Variants in KALRN observed in about 807,000 individuals in gnomAD.
KALRN encodes kalirin.
In KALRN, 70 loss-of-function variants were observed where a neutral mutation model predicts 353.7. The ratio of observed to expected loss-of-function variants is 0.20; its 90% CI spans 0.16 to 0.24. KALRN has a LOEUF of 0.24. Ranked by LOEUF, KALRN falls within the 10% of genes least tolerant of loss-of-function variation. The probability of loss-of-function intolerance (pLI) is 1.00; values close to 1 mark genes in which losing one functional copy is unlikely to be tolerated. For synonymous variants in KALRN, 1,391 were observed against 1,434.8 expected (o/e 0.97, Z 0.69); for missense variants, 2,791 against 3,756.7 (o/e 0.74, Z 6.72).
intron 10 of KALRN, among the ~76,000 whole-genome samples, chr3:124,370,847 G>C (rs1175793232): frequency 6.6e-6 from 1 of 152,146 alleles, no homozygotes; most frequent in Non-Finnish European, 1.5e-5. Flanking sequence ...TATGGTGTTG[G>C]CTATTATTTC....
chr3:124,368,932 C>T (rs12374119), intron 10 of KALRN, among the ~76,000 whole-genome samples: 3 of 151,616 alleles, frequency 2.0e-5, no homozygotes, highest in Non-Finnish European at 2.9e-5. Flanking sequence ...TGCCTGCAAT[C>T]GCAGGCACTC....
At chr3:124,124,887 A>G (rs765144418) in intron 1 of KALRN, among the ~76,000 whole-genome samples, 2 of 152,240 alleles carry the variant, frequency 1.3e-5, no homozygotes, top group African/African-American at 2.4e-5. Context: ...CTTTATATGT[A>G]CTCGGAAAAC....
chr3:124,656,363 C>T (rs1168851806), intron 39 of KALRN, among the ~76,000 whole-genome samples: 1 of 152,152 alleles, frequency 6.6e-6, no homozygotes, highest in Non-Finnish European at 1.5e-5. Flanking sequence ...GTAATCCCAG[C>T]ACTTTGGGAG....
intron 7 of KALRN, among the ~76,000 whole-genome samples, chr3:124,328,698 A>G (rs1238777734): frequency 2.6e-5 from 4 of 152,384 alleles, no homozygotes; most frequent in Admixed American, 2.0e-4. Context: ...AGGGACTGAA[A>G]GCTGACAGTG....
At chr3:124,216,328 T>G (rs552852318) in intron 1 of KALRN, among the ~76,000 whole-genome samples, 5 of 152,312 alleles carry the variant, frequency 3.3e-5, no homozygotes, top group African/African-American at 1.2e-4. Flanking sequence ...TAGGATCTAG[T>G]GGTTTGAACC....
chr3:124,583,018 G>C (rs2074782000), intron 34 of KALRN, among the ~76,000 whole-genome samples: 1 of 152,120 alleles, frequency 6.6e-6, no homozygotes, highest in South Asian at 2.1e-4. Context: ...GAACTCCTGG[G>C]CTCAAGTGAT....
intron 6 of KALRN, among the ~76,000 whole-genome samples, chr3:124,323,177 G>T (rs1289805330): frequency 6.6e-6 from 1 of 152,150 alleles, no homozygotes; most frequent in Non-Finnish European, 1.5e-5. Flanking sequence ...TTTAATCTAT[G>T]ATCACAGGCT....
intron 50 of KALRN, among the ~76,000 whole-genome samples, chr3:124,678,944 T>C (rs1187992957): frequency 6.6e-6 from 1 of 151,136 alleles, no homozygotes; most frequent in African/African-American, 2.4e-5. Context: ...CAATGTCATC[T>C]GCTTTCTTTA....
At chr3:124,562,141 T>C (rs1194547573) in intron 33 of KALRN, among the ~76,000 whole-genome samples, 1 of 152,244 alleles carries the variant, frequency 6.6e-6, no homozygotes, top group East Asian at 1.9e-4. Context: ...TTCTTCCTCC[T>C]GGTCCCCAGT....
intron 34 of KALRN, among the ~76,000 whole-genome samples, chr3:124,622,873 T>G (rs2079435225): frequency 4.6e-5 from 7 of 152,196 alleles, no homozygotes; most frequent in Admixed American, 4.6e-4. Context: ...GTGTACAGTG[T>G]GTTCTGATTT....
chr3:124,425,287 C>T (rs1298135800), intron 15 of KALRN, among the ~76,000 whole-genome samples: 1 of 152,126 alleles, frequency 6.6e-6, no homozygotes, highest in African/African-American at 2.4e-5. Flanking sequence ...ATGTTTCCAA[C>T]ACAAATAAAT....
intron 1 of KALRN, among the ~76,000 whole-genome samples, chr3:124,201,214 A>T (rs988562303): frequency 1.3e-5 from 2 of 152,248 alleles, no homozygotes; most frequent in African/African-American, 4.8e-5. Context: ...CCAACCTCTT[A>T]CTTAAGACAA....
At chr3:124,536,711 CCTT>C (rs1257908992) in intron 33 of KALRN, among the ~76,000 whole-genome samples, 3 of 152,136 alleles carry the variant, frequency 2.0e-5, no homozygotes, top group Non-Finnish European at 4.4e-5. Context: ...TTGTATTTTT[CCTT>C]CTTAACATTT....
chr3:124,363,609 C>A (rs1285137040), intron 10 of KALRN, among the ~76,000 whole-genome samples: 2 of 152,046 alleles, frequency 1.3e-5, no homozygotes, highest in South Asian at 2.1e-4. Flanking sequence ...TGGAACACAC[C>A]CAGAAAAGAA....
intron 1 of KALRN, among the ~76,000 whole-genome samples, chr3:124,137,008 G>A (rs867796200): frequency 6.6e-6 from 1 of 151,984 alleles, no homozygotes; most frequent in Non-Finnish European, 1.5e-5. Context: ...GTGAGAGTTT[G>A]GGCACCTGGA....
chr3:124,051,086 T>G (rs1217169114), intron 1 of KALRN, among the ~76,000 whole-genome samples: 1 of 152,230 alleles, frequency 6.6e-6, no homozygotes, highest in Admixed American at 6.5e-5. Context: ...CGGGATTCCA[T>G]GTATATACAT....
intron 51 of KALRN, among the ~76,000 whole-genome samples, chr3:124,680,986 C>G (rs971036369): frequency 3.3e-5 from 5 of 152,188 alleles, no homozygotes; most frequent in African/African-American, 1.2e-4. Context: ...TACTGGGTGG[C>G]ACCTGTATCC....
At chr3:124,261,046 C>CTTTTTTT (rs11385774) in intron 3 of KALRN, among the ~76,000 whole-genome samples, 1 of 142,756 alleles carries the variant, frequency 7.0e-6, no homozygotes, top group Non-Finnish European at 1.5e-5. Context: ...CTTGGGTTTT[C>CTTTTTTT]TTTTTTTTTT....
intron 1 of KALRN, among the ~76,000 whole-genome samples, chr3:124,191,044 C>G (rs775651558): frequency 6.6e-6 from 1 of 152,156 alleles, no homozygotes; most frequent in Non-Finnish European, 1.5e-5. Context: ...CTCAGGGAGA[C>G]ATGGTTTACC....
Sources: gnomAD v4.1 joint callset for allele counts (sites outside exome capture counted in the v4.1 genomes callset) on GRCh38, gnomAD v4.1.1 for gene constraint, MANE v1.5 for transcripts, NCBI Gene and HGNC (gene_info 2026-07-23, HGNC 2026-07-21) for gene names.